The following PRMT8 variants were observed in gnomAD, a reference collection of about 807,000 sequenced individuals.
The protein encoded by PRMT8 is protein arginine N-methyltransferase 8.
In PRMT8, 7 loss-of-function variants were observed where a neutral mutation model predicts 47.1. That is an observed-to-expected ratio of 0.15 (90% CI 0.08 to 0.28). The LOEUF is 0.28. Among genes scored for constraint, PRMT8 ranks in the 10% least tolerant of loss-of-function variants. The probability of loss-of-function intolerance (pLI) is 1.00; values close to 1 mark genes in which losing one functional copy is unlikely to be tolerated. For missense variants in PRMT8, 237 were observed against 505.4 expected (o/e 0.47, Z 5.09); for synonymous variants, 188 against 186.5 (o/e 1.01, Z -0.07).
At chr12:3,524,525 G>T (rs577487786) in intron 1 of PRMT8, among the ~76,000 whole-genome samples, 2 of 151,068 alleles carry the variant, frequency 1.3e-5, no homozygotes, top group African/African-American at 4.9e-5. Context: ...AGCTTGTTTT[G>T]TGGGTTCTTA....
chr12:3,498,522 C>T (rs766575322), intron 1 of PRMT8, among the ~76,000 whole-genome samples: 7 of 152,152 alleles, frequency 4.6e-5, no homozygotes, highest in Non-Finnish European at 8.8e-5. Context: ...GTGTGAGTGA[C>T]AGGGGCCTGA....
intron 1 of PRMT8, among the ~76,000 whole-genome samples, chr12:3,496,214 ATTTTTTT>A (rs1555085718): frequency 0.061 from 1,708 of 27,858 alleles, 185 homozygotes; most frequent in African/African-American, 0.14. Flanking sequence ...ATATATATAT[ATTTTTTT>A]TTTTTTTTTT....
At chr12:3,424,779 G>A (rs928211398) in intron 1 of PRMT8, among the ~76,000 whole-genome samples, 2 of 152,142 alleles carry the variant, frequency 1.3e-5, no homozygotes, top group East Asian at 3.8e-4. Context: ...TAATAGCACT[G>A]TAGCAACCTT....
intron 1 of PRMT8, among the ~76,000 whole-genome samples, chr12:3,530,020 T>A (rs1454728653): frequency 6.6e-6 from 1 of 152,204 alleles, no homozygotes; most frequent in African/African-American, 2.4e-5. Flanking sequence ...ATAAATGCAT[T>A]CTATGTTTGC....
chr12:3,460,727 T>A (rs968699910), intron 1 of PRMT8, among the ~76,000 whole-genome samples: 1 of 152,210 alleles, frequency 6.6e-6, no homozygotes, highest in Non-Finnish European at 1.5e-5. Flanking sequence ...AGTAAGAAGC[T>A]ATAGGTTTCA....
chr12:3,483,798 C>A (rs180759752), intron 1 of PRMT8, among the ~76,000 whole-genome samples: 2 of 152,064 alleles, frequency 1.3e-5, no homozygotes, highest in East Asian at 3.8e-4. Flanking sequence ...CAATAATCTG[C>A]GATTTGTGTC....
rs868103155 is a variant in PRMT8, at chr12:3,409,631, C to T, written c.48+28189C>T. The stretch of plus-strand genomic sequence containing the variant: ...GTTTTCCACTTGTTTGGCCTGGGGG[C>T]GGGGGTGAGGTGTCCCATCTCAGTC... On this transcript the variant is annotated intron_variant, in intron 1 of 9. Coordinates refer to the PRMT8 transcript ENST00000452611. The surrounding 1 kb of genome is among the most constrained non-coding windows in gnomAD (Gnocchi z 4.4). 4.0e-4 allele frequency among the ~76,000 whole-genome samples: 61 copies of T among 151,908 alleles called. 1 individual carries two copies. Among genetic ancestry groups the T allele is most frequent in the Admixed American group, 3.6e-3 (55 of 15,258 alleles).
In PRMT8 at chr12:3,552,719, T is replaced by A. The variant is rs767185534; in HGVS notation, c.418-932T>A. ...ACCCCGTAGGTGCCCTCACCCTTCC[T>A]CAAGGCGTGGCCAGAGGCGTCAGAA... On this transcript the variant is annotated intron_variant, in intron 3 of 9. Coordinates refer to ENST00000382622, the MANE Select transcript of PRMT8 (RefSeq NM_019854.5). This position sits in a 1 kb window ranked among gnomAD's most constrained non-coding sequence, Gnocchi z 4.5. 36 of 473,500 alleles carry A rather than the reference T, an allele frequency of 7.6e-5. No individual in the cohort carries two copies. The highest frequency in any genetic ancestry group is 6.8e-4 in the Admixed American group (31 of 45,510). 29.3% of individuals were successfully genotyped at this position (473,500 alleles called of 1,614,324 possible).
intron 1 of PRMT8, among the ~76,000 whole-genome samples, chr12:3,437,622 C>CTATATATATATATATATATATATATA (rs57504454): frequency 2.1e-5 from 3 of 142,818 alleles, no homozygotes; most frequent in African/African-American, 8.1e-5. Context: ...TGCATTCAGG[C>CTATATATATATATATATATATATATA]TATATATATA....
intron 1 of PRMT8, among the ~76,000 whole-genome samples, chr12:3,448,929 T>G (rs1004641996): frequency 3.9e-5 from 6 of 152,172 alleles, no homozygotes; most frequent in African/African-American, 1.4e-4. Flanking sequence ...GCTATTCCCC[T>G]CCCTGTGTCC....
chr12:3,563,934 C>T (rs559144373), intron 4 of PRMT8, among the ~76,000 whole-genome samples: 17 of 151,956 alleles, frequency 1.1e-4, no homozygotes, highest in East Asian at 3.9e-4. Flanking sequence ...CAATGCCCCC[C>T]ACCTTTTTTC....
rs1866644251 is a variant in PRMT8 at position 3,561,979 on chromosome 12, A to G, written c.482-6727A>G. 2.0e-5 allele frequency among the ~76,000 whole-genome samples: 3 copies of G among 152,168 alleles called. No individual in the cohort carries two copies. In the South Asian group the frequency reaches 6.2e-4, roughly 32 times the overall value. ...TGTGAAAGTTTCAGTAAATTTGCAG[A>G]ATGGATGCCATCATTGGCCATGGTG... On this transcript the variant is annotated intron_variant, in intron 4 of 9. Coordinates refer to ENST00000382622, the MANE Select transcript of PRMT8 (RefSeq NM_019854.5).
At chr12:3,461,612 C>A (rs1047281712) in intron 1 of PRMT8, among the ~76,000 whole-genome samples, 5 of 152,238 alleles carry the variant, frequency 3.3e-5, no homozygotes, top group African/African-American at 1.2e-4. Flanking sequence ...GTGTCCTCAG[C>A]AGACACAAGC....
intron 1 of PRMT8, among the ~76,000 whole-genome samples, chr12:3,517,238 C>T (rs1201708785): frequency 6.6e-6 from 1 of 152,184 alleles, no homozygotes; most frequent in Non-Finnish European, 1.5e-5. Context: ...CTCACTTTCG[C>T]TGTTCTCCGG....
intron 4 of PRMT8, among the ~76,000 whole-genome samples, chr12:3,558,996 A>ATCTATCTG: frequency 1.3e-5 from 2 of 148,414 alleles, no homozygotes; most frequent in Middle Eastern, 7.1e-3. Context: ...CTATCTGTCT[A>ATCTATCTG]TCTATCCTGT....
intron 7 of PRMT8, among the ~76,000 whole-genome samples, chr12:3,577,281 C>G (rs544848551): frequency 1.3e-5 from 2 of 152,196 alleles, no homozygotes; most frequent in Admixed American, 1.3e-4. Flanking sequence ...GGAGAGGACA[C>G]CTGGAAGAGG....
chr12:3,591,594 A>T (rs1867307855), intron 8 of PRMT8, among the ~76,000 whole-genome samples: 1 of 151,706 alleles, frequency 6.6e-6, no homozygotes, highest in African/African-American at 2.4e-5. Flanking sequence ...TTTTCTCATT[A>T]TGTTGCCCAG....
At chr12:3,522,350 A>G (rs1052412674) in intron 1 of PRMT8, among the ~76,000 whole-genome samples, 1 of 152,162 alleles carries the variant, frequency 6.6e-6, no homozygotes, top group Admixed American at 6.5e-5. Context: ...CTGGCAGCTC[A>G]GTGCTAATTA....
At chr12:3,459,269 T>C (rs1193411584) in intron 1 of PRMT8, among the ~76,000 whole-genome samples, 2 of 152,174 alleles carry the variant, frequency 1.3e-5, no homozygotes, top group African/African-American at 4.8e-5. Flanking sequence ...CCCTCTTGGA[T>C]GGAATAGATG....
Sources: allele counts gnomAD v4.1 joint callset (sites outside exome capture counted in the v4.1 genomes callset), GRCh38; gene constraint gnomAD v4.1.1; non-coding constraint Gnocchi (gnomAD v3.1); transcripts MANE v1.5; gene names NCBI Gene and HGNC (gene_info 2026-07-23, HGNC 2026-07-21).